The following SPATS2 variants were observed in gnomAD, a reference collection of about 807,000 sequenced individuals.
SPATS2 encodes spermatogenesis-associated serine-rich protein 2.
A neutral mutation model predicts 63.7 loss-of-function variants in SPATS2; 38 were observed. The ratio of observed to expected loss-of-function variants is 0.60; its 90% CI spans 0.46 to 0.78. SPATS2 has a LOEUF of 0.78. Ranked by LOEUF, SPATS2 falls within the 30% of genes least tolerant of loss-of-function variation. The pLI is 0.00. For synonymous variants in SPATS2, 207 were observed against 232.9 expected (o/e 0.89, Z 1.01); for missense variants, 588 against 666.2 (o/e 0.88, Z 1.29).
chr12:49,509,590 G>A (rs1004049429), intron 9 of SPATS2, among the ~76,000 whole-genome samples: 1 of 152,076 alleles, frequency 6.6e-6, no homozygotes, highest in African/African-American at 2.4e-5. Context: ...GCTGAGGTGG[G>A]TGGATTGCTT....
Position 49,514,565 on chromosome 12 carries a change from C to G in SPATS2, c.850C>G (p.Arg284Gly). ...FAELESCLMD[R>G]EVALLAEMDK... ...GTCATCTTTTCCTAGTTTAATGGAT[C>G]GAGAAGTGGCGTTGCTTGCTGAAAT... Residue 284 changes from arginine to glycine, a missense_variant, in exon 10 of 14, where the codon CGA becomes GGA. Arg to Gly is a moderately radical substitution (Grantham distance 125). Coordinates refer to ENST00000552918, the MANE Select transcript of SPATS2 (RefSeq NM_023071.4). The G allele has an allele frequency of 3.1e-6, 5 of 1,612,966 alleles. No individual in the cohort carries two copies. Among genetic ancestry groups the G allele is most frequent in the Non-Finnish European group, 4.2e-6 (5 of 1,179,526 alleles).
At chr12:49,508,475 C>G (rs572684483) in intron 9 of SPATS2, among the ~76,000 whole-genome samples, 1 of 152,230 alleles carries the variant, frequency 6.6e-6, no homozygotes, top group Non-Finnish European at 1.5e-5. Flanking sequence ...CCTTGGCCTC[C>G]CAAAGTACTG....
chr12:49,376,270 T>G (rs567787088), intron 2 of SPATS2, among the ~76,000 whole-genome samples: 30 of 151,358 alleles, frequency 2.0e-4, no homozygotes, highest in Admixed American at 1.1e-3. Flanking sequence ...CCCAGCTAAT[T>G]TTTTGTATTT....
At position 49,379,970 on chromosome 12, in the gene SPATS2, A is replaced by C. The variant is rs11168993; in HGVS notation, c.-244+8680A>C. On this transcript the variant is annotated intron_variant, in intron 2 of 13. Coordinates refer to ENST00000552918, the MANE Select transcript of SPATS2 (RefSeq NM_023071.4). ...CCCCAAAGGAGACCCTGTATTCATT[A>C]AATATTTACTCTTTATTTCCTCCTC... is the stretch of plus-strand genomic sequence containing the variant. Among the ~76,000 whole-genome samples the C allele has an allele frequency of 4.7e-3, 715 of 152,084 alleles. 2 individuals carry two copies. Among genetic ancestry groups the C allele is most frequent in the African/African-American group, 0.017 (691 of 41,500 alleles).
At chr12:49,472,277 T>C (rs1452737475) in intron 3 of SPATS2, among the ~76,000 whole-genome samples, 3 of 152,096 alleles carry the variant, frequency 2.0e-5, no homozygotes, top group Non-Finnish European at 4.4e-5. Context: ...TGTCTGTCTT[T>C]CCACCCACCT....
intron 2 of SPATS2, among the ~76,000 whole-genome samples, chr12:49,459,460 T>C (rs1945779655): frequency 2.0e-5 from 3 of 152,102 alleles, no homozygotes; most frequent in Admixed American, 6.5e-5. Context: ...GTGATTCTCC[T>C]GCCTCAGCCT....
chr12:49,431,016 A>T (rs944389754), intron 2 of SPATS2, among the ~76,000 whole-genome samples: 1 of 152,098 alleles, frequency 6.6e-6, no homozygotes, highest in African/African-American at 2.4e-5. Context: ...TGCGCTATTA[A>T]TTTTTTTGAA....
At position 49,496,942 on chromosome 12, in the gene SPATS2, T is replaced by C; in HGVS notation, c.636T>C (p.Pro212=). The change falls in exon 8 of 14, where the codon CCT becomes CCC. Residue 212 remains proline, a synonymous_variant. Transcript: ENST00000552918. ...PRNAAKSLSR[P]TTETQFSNMG... is the part of the protein sequence containing the mutation. ...ATGCTGCCAAATCTCTCTCAAGACC[T>C]ACCACAGAAACTCAGTTTTCAAATA... The C allele has an allele frequency of 6.2e-7, 1 of 1,609,116 alleles. No homozygotes were observed. Among genetic ancestry groups the C allele is most frequent in the Non-Finnish European group, 8.5e-7 (1 of 1,178,298 alleles).
intron 2 of SPATS2, among the ~76,000 whole-genome samples, chr12:49,456,231 T>C (rs569093259): frequency 1.3e-4 from 20 of 152,260 alleles, no homozygotes; most frequent in African/African-American, 4.6e-4. Flanking sequence ...GTTCTTACCA[T>C]AGGTTCAGTA....
chr12:49,436,106 A>G (rs940811710), intron 2 of SPATS2, among the ~76,000 whole-genome samples: 76 of 152,036 alleles, frequency 5.0e-4, no homozygotes, highest in Non-Finnish European at 8.5e-4. Flanking sequence ...CCCCCTTTCT[A>G]TTCCACAAAA....
At chr12:49,514,091 A>C (rs1310325528) in intron 9 of SPATS2, among the ~76,000 whole-genome samples, 1 of 151,342 alleles carries the variant, frequency 6.6e-6, no homozygotes, top group African/African-American at 2.4e-5. Flanking sequence ...CGGAAGGCGG[A>C]GCTTGCAGTG....
chr12:49,408,757 T>C (rs577443272), intron 2 of SPATS2, among the ~76,000 whole-genome samples: 12 of 152,164 alleles, frequency 7.9e-5, no homozygotes, highest in Admixed American at 7.9e-4. Context: ...GGTATCGCCA[T>C]GTTGGCCAGG....
At chr12:49,412,316 T>G (rs1221280615) in intron 2 of SPATS2, among the ~76,000 whole-genome samples, 1 of 151,908 alleles carries the variant, frequency 6.6e-6, no homozygotes, top group African/African-American at 2.4e-5. Flanking sequence ...TGCCTCAGCC[T>G]CCCGAGTAGC....
At chr12:49,467,535 A>T (rs983019929) in intron 3 of SPATS2, among the ~76,000 whole-genome samples, 5 of 152,116 alleles carry the variant, frequency 3.3e-5, no homozygotes, top group African/African-American at 1.2e-4. Flanking sequence ...GACTCTAGAG[A>T]TTAGGGAAGG....
chr12:49,486,242 T>A lies in SPATS2; in HGVS notation c.105+1573T>A. The A allele has an allele frequency of 4.4e-6, 2 of 453,256 alleles. 1 individual carries two copies. The highest frequency in any genetic ancestry group is 3.1e-5 in the South Asian group (2 of 64,432). 28.1% of individuals were successfully genotyped at this position (453,256 alleles called of 1,614,324 possible). ...TGTTGTGAGATGGAATTTCACTCTG[T>A]CGTCCAGGCTGGAGTGCAGTGGCGT... On this transcript the variant is annotated intron_variant, in intron 4 of 13. Coordinates refer to ENST00000552918, the MANE Select transcript of SPATS2 (RefSeq NM_023071.4).
chr12:49,498,230 G>A (rs1013223204), intron 8 of SPATS2, among the ~76,000 whole-genome samples: 1 of 148,814 alleles, frequency 6.7e-6, no homozygotes. Flanking sequence ...TTGAGATGAG[G>A]AAGAATTTAA....
intron 2 of SPATS2, among the ~76,000 whole-genome samples, chr12:49,454,046 G>T (rs1056996135): frequency 6.6e-6 from 1 of 151,770 alleles, no homozygotes; most frequent in African/African-American, 2.4e-5. Flanking sequence ...TGTATTTTTA[G>T]TAGAGACAGG....
chr12:49,388,021 A>G (rs948968216), intron 2 of SPATS2, among the ~76,000 whole-genome samples: 21 of 152,148 alleles, frequency 1.4e-4, no homozygotes, highest in Admixed American at 6.5e-4. Flanking sequence ...GGCTCAAGCA[A>G]TCCTCCTGCC....
chr12:49,369,030 C>CT (rs35158946), intron 1 of SPATS2, among the ~76,000 whole-genome samples: 4,118 of 102,510 alleles, frequency 0.04, 271 homozygotes, highest in African/African-American at 0.1. Context: ...CAATGTGCCT[C>CT]TTTTTTTTTT....
Sources: gnomAD v4.1 joint callset for allele counts (sites outside exome capture counted in the v4.1 genomes callset) on GRCh38, gnomAD v4.1.1 for gene constraint, MANE v1.5 for transcripts, NCBI Gene and HGNC (gene_info 2026-07-23, HGNC 2026-07-21) for gene names.